The following MAF variants were observed in gnomAD, a reference collection of about 807,000 sequenced individuals.
MAF encodes MAF bZIP transcription factor.
In MAF, 10 loss-of-function variants were observed where a neutral mutation model predicts 22.0. The ratio of observed to expected loss-of-function variants is 0.45; its 90% CI spans 0.28 to 0.77. The LOEUF (loss-of-function observed/expected upper bound fraction) is 0.77, where lower values mean the gene tolerates loss of function less well. MAF is among the 30% of genes least tolerant of loss of function. The pLI is 0.12. For missense variants in MAF, 544 were observed against 548.4 expected (o/e 0.99, Z 0.08); for synonymous variants, 337 against 255.8 (o/e 1.32, Z -3.03).
At chr16:79,236,686 C>T in the MAF span, among the ~76,000 whole-genome samples, 1 of 151,996 alleles carries the variant, frequency 6.6e-6, no homozygotes, top group Non-Finnish European at 1.5e-5. Context: ...CTTTCCTTGT[C>T]CTCTGAGTAG....
At chr16:79,378,198 T>G in the MAF span, among the ~76,000 whole-genome samples, 6 of 152,154 alleles carry the variant, frequency 3.9e-5, no homozygotes, top group Non-Finnish European at 5.9e-5. Context: ...ACAAGAACAT[T>G]TGCAGCAGTA....
chr16:79,238,381 G>A, the MAF span, among the ~76,000 whole-genome samples: 1 of 152,020 alleles, frequency 6.6e-6, no homozygotes, highest in Non-Finnish European at 1.5e-5. Context: ...CTAAGAGCGG[G>A]GGCACTGTAG....
At chr16:79,340,435 C>T in the MAF span, among the ~76,000 whole-genome samples, 1 of 150,824 alleles carries the variant, frequency 6.6e-6, no homozygotes, top group Admixed American at 6.6e-5. Flanking sequence ...CATAGGTATT[C>T]CCAGTGCCTG....
the MAF span, among the ~76,000 whole-genome samples, chr16:79,563,330 A>T: frequency 6.6e-6 from 1 of 152,156 alleles, no homozygotes; most frequent in East Asian, 1.9e-4. Flanking sequence ...CTAAATTATT[A>T]ATTTTGTTTG....
the MAF span, among the ~76,000 whole-genome samples, chr16:79,369,399 A>G: frequency 6.6e-6 from 1 of 152,178 alleles, no homozygotes; most frequent in South Asian, 2.1e-4. Flanking sequence ...TTTCTATTAC[A>G]TGACACTATC....
chr16:79,554,130 A>AAACAAAC, the MAF span, among the ~76,000 whole-genome samples: 209 of 79,796 alleles, frequency 2.6e-3, 3 homozygotes, highest in Middle Eastern at 0.011. Flanking sequence ...AACAAACAAA[A>AAACAAAC]CCACCAAACC....
the MAF span, among the ~76,000 whole-genome samples, chr16:79,398,650 T>C: frequency 6.6e-6 from 1 of 152,132 alleles, no homozygotes; most frequent in Non-Finnish European, 1.5e-5. Flanking sequence ...TGTGTGTGTG[T>C]TGCATGCTAC....
chr16:79,245,558 C>G, the MAF span, among the ~76,000 whole-genome samples: 9 of 151,996 alleles, frequency 5.9e-5, no homozygotes, highest in Middle Eastern at 3.2e-3. Flanking sequence ...CAGGAAACAA[C>G]AGATGCTGGA....
chr16:79,549,003 G>A, the MAF span, among the ~76,000 whole-genome samples: 3 of 152,184 alleles, frequency 2.0e-5, no homozygotes, highest in East Asian at 3.9e-4. Flanking sequence ...TTAAGACATC[G>A]TTACTCTCCC....
At chr16:79,231,525 T>C in the MAF span, among the ~76,000 whole-genome samples, 15 of 152,082 alleles carry the variant, frequency 9.9e-5, no homozygotes, top group Non-Finnish European at 2.1e-4. Context: ...CAAATGTGAA[T>C]TTTCTTATCT....
chr16:79,547,882 G>C, the MAF span, among the ~76,000 whole-genome samples: 1 of 145,396 alleles, frequency 6.9e-6, no homozygotes, highest in African/African-American at 2.5e-5. Context: ...GTGTGTGTGC[G>C]TGTGTGTGTG....
the MAF span, among the ~76,000 whole-genome samples, chr16:79,283,296 A>T: frequency 8.2e-3 from 1,257 of 152,372 alleles, 15 homozygotes; most frequent in African/African-American, 0.028. Flanking sequence ...GCCATGTTAC[A>T]TTAGACATAT....
chr16:79,482,787 C>T, the MAF span, among the ~76,000 whole-genome samples: 1 of 151,730 alleles, frequency 6.6e-6, no homozygotes, highest in Non-Finnish European at 1.5e-5. Context: ...GGGAATCTGG[C>T]AGCTTCTTGC....
chr16:79,507,275 G>A, the MAF span, among the ~76,000 whole-genome samples: 6 of 150,836 alleles, frequency 4.0e-5, no homozygotes, highest in African/African-American at 1.5e-4. Flanking sequence ...CACCATGCCT[G>A]GCTAATTTTT....
the MAF span, among the ~76,000 whole-genome samples, chr16:79,540,216 C>T: frequency 6.6e-6 from 1 of 151,732 alleles, no homozygotes. Flanking sequence ...GTGATGAAGA[C>T]TCTGAGAAAA....
the MAF span, among the ~76,000 whole-genome samples, chr16:79,254,020 CTTTT>C: frequency 8.7e-5 from 13 of 149,732 alleles, no homozygotes; most frequent in African/African-American, 3.2e-4. Context: ...CTCAGCAAAT[CTTTT>C]TTTGTTTTTT....
At chr16:79,596,798 G>T (rs1913552848) in intron 1 of MAF, 1 of 1,047,340 alleles carries the variant, frequency 9.5e-7, no homozygotes, top group Non-Finnish European at 1.2e-6. Context: ...CAATACAACT[G>T]TAAAAAAATC....
the MAF span, among the ~76,000 whole-genome samples, chr16:79,383,234 G>A: frequency 6.6e-6 from 1 of 152,120 alleles, no homozygotes; most frequent in East Asian, 1.9e-4. Context: ...GTGGGGGCAG[G>A]GTGGGGATAA....
the MAF span, among the ~76,000 whole-genome samples, chr16:79,222,391 T>C: frequency 6.6e-6 from 1 of 152,022 alleles, no homozygotes; most frequent in Non-Finnish European, 1.5e-5. Flanking sequence ...AGATACCAAA[T>C]TGTAAAGACC....
Sources: allele counts gnomAD v4.1 joint callset (sites outside exome capture counted in the v4.1 genomes callset), GRCh38; gene constraint gnomAD v4.1.1; transcripts MANE v1.5; gene names NCBI Gene and HGNC (gene_info 2026-07-23, HGNC 2026-07-21).